Variants in ZC2HC1B observed in about 807,000 individuals in gnomAD.
The protein encoded by ZC2HC1B is zinc finger C2HC domain-containing protein 1B.
ZC2HC1B carries 36 observed loss-of-function variants against 31.0 expected under a neutral mutation model. That is an observed-to-expected ratio of 1.16 (90% CI 0.89 to 1.54). ZC2HC1B has a LOEUF of 1.54. Ranked by LOEUF, ZC2HC1B falls within the 40% of genes most tolerant of loss-of-function variation. The pLI, the probability that ZC2HC1B is intolerant of heterozygous loss-of-function variation, is 0.00. For synonymous variants in ZC2HC1B, 73 were observed against 88.0 expected, an observed-to-expected ratio of 0.83 and a Z score of 0.95; for missense variants, 260 against 268.6, an observed-to-expected ratio of 0.97 and a Z score of 0.22.
chr6:143,929,752 T>G (rs781102622), intron 6 of ZC2HC1B, among the ~76,000 whole-genome samples: 1 of 152,184 alleles, frequency 6.6e-6, no homozygotes, highest in Non-Finnish European at 1.5e-5. Flanking sequence ...TTTAAATTAC[T>G]AATCATATCT....
chr6:143,912,248 T>A (rs1777869587), intron 6 of ZC2HC1B, among the ~76,000 whole-genome samples: 1 of 152,228 alleles, frequency 6.6e-6, no homozygotes, highest in Admixed American at 6.5e-5. Flanking sequence ...ACCCACCTTC[T>A]GAAACCTACT....
rs925804636 is a variant in ZC2HC1B at position 143,918,153 on chromosome 6, G to A, written c.598+15001G>A. ...CCTCAGCTTTTGTTTATCTGGGAAT[G>A]TCTTAATTTCTTCTTCGCCTTTTTT... On this transcript the variant is annotated intron_variant, in intron 6 of 7. Transcript: ENST00000237275. This position sits in a 1 kb window ranked among gnomAD's most constrained non-coding sequence, Gnocchi z 4.1. 1.3e-5 allele frequency among the ~76,000 whole-genome samples: 2 copies of A among 152,048 alleles called. No homozygotes were observed. The highest frequency in any genetic ancestry group is 2.9e-5 in the Non-Finnish European group (2 of 68,006).
chr6:143,874,662 A>T (rs1015443311), intron 1 of ZC2HC1B, among the ~76,000 whole-genome samples: 1 of 151,822 alleles, frequency 6.6e-6, no homozygotes, highest in Non-Finnish European at 1.5e-5. Context: ...ATCAGATCTC[A>T]TGAGACTCAT....
chr6:143,892,212 T>G (rs1777609485), intron 4 of ZC2HC1B, among the ~76,000 whole-genome samples: 1 of 151,592 alleles, frequency 6.6e-6, no homozygotes, highest in African/African-American at 2.4e-5. Context: ...CCAATCATGA[T>G]GGAAGGTGAA....
chr6:143,927,757 A>G (rs1360754967), intron 6 of ZC2HC1B, among the ~76,000 whole-genome samples: 5 of 152,182 alleles, frequency 3.3e-5, no homozygotes, highest in African/African-American at 1.2e-4. Flanking sequence ...ATTTCTACCA[A>G]CATTTATAAG....
intron 4 of ZC2HC1B, among the ~76,000 whole-genome samples, chr6:143,890,205 T>C (rs1489654844): frequency 6.6e-6 from 1 of 152,080 alleles, no homozygotes; most frequent in Admixed American, 6.5e-5. Flanking sequence ...AAGAGAAAAG[T>C]TTTAGTTCAA....
At chr6:143,893,531 C>T (rs1283712693) in intron 4 of ZC2HC1B, among the ~76,000 whole-genome samples, 1 of 152,080 alleles carries the variant, frequency 6.6e-6, no homozygotes, top group Non-Finnish European at 1.5e-5. Context: ...TGTGCTAATG[C>T]GCTCCAGCCT....
chr6:143,895,177 T>G lies in ZC2HC1B; in HGVS notation c.350-3375T>G, dbSNP rs1777650866. Among the ~76,000 whole-genome samples, 1 of 152,148 alleles carries G rather than the reference T, an allele frequency of 6.6e-6. No homozygotes were observed. The highest frequency in any genetic ancestry group is 1.9e-4 in the East Asian group (1 of 5,196). On this transcript the variant is annotated intron_variant, in intron 4 of 7. Coordinates refer to ENST00000237275, the MANE Select transcript of ZC2HC1B (RefSeq NM_001013623.3). The surrounding 1 kb of genome is among the most constrained non-coding windows in gnomAD (Gnocchi z 4.8). ...TTTGTTTTTTGTTGTTGTTGTTGTT[T>G]TTGAGACAGAGTTTTGCTCTTGTTG...
chr6:143,916,103 AG>A (rs1392112922), intron 6 of ZC2HC1B, among the ~76,000 whole-genome samples: 1 of 152,204 alleles, frequency 6.6e-6, no homozygotes, highest in Non-Finnish European at 1.5e-5. Flanking sequence ...GGCCAAGCCC[AG>A]CATCCATCTG....
At position 143,921,827 on chromosome 6, in the gene ZC2HC1B, G is replaced by T. The variant is rs1311989621; in HGVS notation, c.599-15822G>T. ...CCCACTTGTAGCTCTTGCTACCCAGGAGACTGAGGTGGGAGGATTGCTTGA... is the reference window on the plus strand; with the variant it reads ...CCCACTTGTAGCTCTTGCTACCCAGTAGACTGAGGTGGGAGGATTGCTTGA... On this transcript the variant is annotated intron_variant, in intron 6 of 7. Transcript: ENST00000237275. The surrounding 1 kb of genome is among the most constrained non-coding windows in gnomAD (Gnocchi z 6.1). Among the ~76,000 whole-genome samples the T allele has an allele frequency of 1.3e-5, 2 of 152,184 alleles. No individual in the cohort carries two copies. The highest frequency in any genetic ancestry group is 4.8e-5 in the African/African-American group (2 of 41,438).
chr6:143,873,774 A>G (rs982773236), intron 1 of ZC2HC1B, among the ~76,000 whole-genome samples: 3 of 152,186 alleles, frequency 2.0e-5, no homozygotes, highest in Admixed American at 6.5e-5. Context: ...TAGGCTGTAC[A>G]TGGGTACCCT....
In ZC2HC1B at chr6:143,884,255, C is replaced by T. The variant is rs1230770931; in HGVS notation, c.29-49C>T. ...CCTCCAGTCAGTCATTTCTTCTCAG[C>T]GAGGAAATTCCATGAAACTAACATA... On this transcript the variant is annotated intron_variant, in intron 1 of 7. Coordinates refer to ENST00000237275, the MANE Select transcript of ZC2HC1B (RefSeq NM_001013623.3). The surrounding 1 kb of genome is among the most constrained non-coding windows in gnomAD (Gnocchi z 5.1). 15 of 1,470,624 alleles carry T rather than the reference C, an allele frequency of 1.0e-5. No individual in the cohort carries two copies. The highest frequency in any genetic ancestry group is 2.5e-5 in the East Asian group (1 of 39,248). The allele number at this position is 1,470,624 out of a possible 1,614,324, so 91.1% of individuals were successfully genotyped here.
In ZC2HC1B at chr6:143,864,496, G is replaced by A. The variant is rs1377841574; in HGVS notation, c.-44G>A. ...ACTAGTATGATGTTATCTGGACTGG[G>A]CTGTAAAAATCTGTGAACACTGTTG... On this transcript the variant is annotated 5_prime_UTR_variant, in exon 1 of 8. Transcript: ENST00000237275. 1 of 1,550,196 alleles carries A rather than the reference G, an allele frequency of 6.5e-7. No individual in the cohort carries two copies. The highest frequency in any genetic ancestry group is 2.0e-5 in the Admixed American group (1 of 50,978).
At position 143,918,946 on chromosome 6, in the gene ZC2HC1B, G is replaced by T. The variant is rs62427073; in HGVS notation, c.598+15794G>T. ...CGTGGATATTTCCATTTTGTTCATA[G>T]ATCTTTTTCTTGAGTCTCTTCACAT... On this transcript the variant is annotated intron_variant, in intron 6 of 7. Transcript: ENST00000237275. The surrounding 1 kb of genome is among the most constrained non-coding windows in gnomAD (Gnocchi z 4.1). Among the ~76,000 whole-genome samples, 17,758 of 151,962 alleles carry T rather than the reference G, an allele frequency of 0.12. 1,669 individuals are homozygous for T. Among genetic ancestry groups the T allele is most frequent in the East Asian group, 0.52 (2,665 of 5,172 alleles).
rs1215769595 is a variant in ZC2HC1B at position 143,937,683 on chromosome 6, C to CA, written c.634dup (p.Arg212LysfsTer5). 2 of 1,551,046 alleles carry CA rather than the reference C, an allele frequency of 1.3e-6. No individual in the cohort carries two copies. Among genetic ancestry groups the CA allele is most frequent in the East Asian group, 4.9e-5 (2 of 40,896 alleles). ...TGGACCCTGCTTCTGGAGCAAAACT[C>CA]AGACAAGGATTTAGTAAATCTTCTA... On this transcript the variant is annotated frameshift_variant, in exon 7 of 8. Coordinates refer to ENST00000237275, the MANE Select transcript of ZC2HC1B (RefSeq NM_001013623.3). LOFTEE classifies it high-confidence loss of function.
Position 143,911,061 on chromosome 6 carries a change from G to A in ZC2HC1B, c.598+7909G>A, listed in dbSNP as rs1006064813. ...AGCCACTGCGCCCAGCCCTTTGTTG[G>A]TTTAAAGCCTGTTTTGTCAGAAACT... is the stretch of plus-strand genomic sequence containing the variant. On this transcript the variant is annotated intron_variant, in intron 6 of 7. Transcript: ENST00000237275. This position sits in a 1 kb window ranked among gnomAD's most constrained non-coding sequence, Gnocchi z 4.5. 2.0e-5 allele frequency among the ~76,000 whole-genome samples: 3 copies of A among 152,110 alleles called. No individual in the cohort carries two copies. In the South Asian group the frequency reaches 6.2e-4, roughly 32 times the overall value.
chr6:143,936,753 C>G (rs1346883719), intron 6 of ZC2HC1B, among the ~76,000 whole-genome samples: 2 of 152,232 alleles, frequency 1.3e-5, no homozygotes, highest in South Asian at 2.1e-4. Flanking sequence ...GGTGTGGGCT[C>G]TACTTTACTT....
intron 1 of ZC2HC1B, among the ~76,000 whole-genome samples, chr6:143,877,900 C>G (rs2128493525): frequency 6.6e-6 from 1 of 150,476 alleles, no homozygotes; most frequent in East Asian, 1.9e-4. Context: ...AAGCAGAGTC[C>G]TCTAAGCCAA....
Position 143,920,636 on chromosome 6 carries a change from C to T in ZC2HC1B, c.599-17013C>T, listed in dbSNP as rs564348136. Among the ~76,000 whole-genome samples, 18 of 152,174 alleles carry T rather than the reference C, an allele frequency of 1.2e-4. 1 individual carries two copies. In the Middle Eastern group the frequency reaches 0.01, roughly 86 times the overall value. On this transcript the variant is annotated intron_variant, in intron 6 of 7. Coordinates refer to ENST00000237275, the MANE Select transcript of ZC2HC1B (RefSeq NM_001013623.3). ...TCTTAAAATGGTTGACACGGCTGGGCGTGGTGGCTCACACCTGTAATCCCA... is the reference window on the plus strand; with the variant it reads ...TCTTAAAATGGTTGACACGGCTGGGTGTGGTGGCTCACACCTGTAATCCCA...
Sources: allele counts gnomAD v4.1 joint callset (sites outside exome capture counted in the v4.1 genomes callset), GRCh38; gene constraint gnomAD v4.1.1; non-coding constraint Gnocchi (gnomAD v3.1); transcripts MANE v1.5; gene names NCBI Gene and HGNC (gene_info 2026-07-23, HGNC 2026-07-21).